The following GLCE variants were observed in gnomAD, a reference collection of about 807,000 sequenced individuals.
GLCE encodes the protein glucuronic acid epimerase, also known as D-glucuronyl C5-epimerase.
GLCE carries 19 observed loss-of-function variants against 47.9 expected under a neutral mutation model. That is an observed-to-expected ratio of 0.40 (90% CI 0.28 to 0.58). The LOEUF is 0.58. Ranked by LOEUF, GLCE falls within the 20% of genes least tolerant of loss-of-function variation. The probability of loss-of-function intolerance (pLI) is 0.48; values close to 1 mark genes in which losing one functional copy is unlikely to be tolerated. For missense variants in GLCE, 556 were observed against 743.3 expected, an observed-to-expected ratio of 0.75 and a Z score of 2.93; for synonymous variants, 245 against 263.4, an observed-to-expected ratio of 0.93 and a Z score of 0.68.
At chr15:69,193,556 CTCAGATTTTGT>C (rs1566952183) in intron 1 of GLCE, among the ~76,000 whole-genome samples, 5 of 151,880 alleles carry the variant, frequency 3.3e-5, no homozygotes, top group Admixed American at 2.0e-4. Flanking sequence ...TCAGATTTTG[CTCAGATTTTGT>C]TTCAAATTTT....
chr15:69,255,757 C>A, intron 2 of GLCE, 37 bp from the exon 3 acceptor site: 2 of 1,194,358 alleles, frequency 1.7e-6, no homozygotes, highest in Non-Finnish European at 2.4e-6. Context: ...GCCGGTAGTA[C>A]ATCTTTGCAT....
intron 3 of GLCE, chr15:69,260,854 G>A (rs1355826756): frequency 6.4e-6 from 3 of 468,704 alleles, no homozygotes; most frequent in Non-Finnish European, 1.1e-5. Flanking sequence ...TTATAGCGTT[G>A]CACTATTTGT....
chr15:69,180,318 G>C (rs992137068), intron 1 of GLCE, among the ~76,000 whole-genome samples: 1 of 152,068 alleles, frequency 6.6e-6, no homozygotes, highest in Non-Finnish European at 1.5e-5. Flanking sequence ...TCTAGGCTCT[G>C]TAAGTACCTC....
intron 2 of GLCE, among the ~76,000 whole-genome samples, chr15:69,251,251 G>A (rs949675196): frequency 6.6e-6 from 1 of 152,142 alleles, no homozygotes; most frequent in African/African-American, 2.4e-5. Context: ...TGGAATGTAT[G>A]GTAAGTGATA....
At chr15:69,242,819 G>A (rs905777701) in intron 2 of GLCE, among the ~76,000 whole-genome samples, 2 of 151,776 alleles carry the variant, frequency 1.3e-5, no homozygotes, top group Non-Finnish European at 2.9e-5. Context: ...CCGAGGCAGG[G>A]GGTGTTGCTT....
intron 1 of GLCE, among the ~76,000 whole-genome samples, chr15:69,191,137 T>G (rs567276122): frequency 6.6e-6 from 1 of 152,328 alleles, no homozygotes; most frequent in African/African-American, 2.4e-5. Context: ...CCCACATATT[T>G]ACTCCACTGT....
chr15:69,242,661 C>T (rs1416899126), intron 2 of GLCE, among the ~76,000 whole-genome samples: 1 of 152,042 alleles, frequency 6.6e-6, no homozygotes, highest in Non-Finnish European at 1.5e-5. Context: ...AGTGGTTGGT[C>T]TGGAACCAGT....
chr15:69,231,257 C>G (rs1402454263), intron 2 of GLCE, among the ~76,000 whole-genome samples: 2 of 150,958 alleles, frequency 1.3e-5, no homozygotes, highest in Non-Finnish European at 2.9e-5. Flanking sequence ...GAGATTTTGC[C>G]TTTGCTACCT....
chr15:69,244,236 T>C (rs2052716659), intron 2 of GLCE, among the ~76,000 whole-genome samples: 1 of 152,234 alleles, frequency 6.6e-6, no homozygotes, highest in African/African-American at 2.4e-5. Context: ...GTAGCTTTCT[T>C]AGAATAAAAT....
At chr15:69,229,482 A>C (rs1362264646) in intron 2 of GLCE, among the ~76,000 whole-genome samples, 3 of 152,190 alleles carry the variant, frequency 2.0e-5, no homozygotes. Flanking sequence ...TACAAAAATA[A>C]ATGAAGAGCC....
Position 69,269,162 on chromosome 15 carries a change from C to G in GLCE, c.1772C>G (p.Thr591Ser), listed in dbSNP as rs1218245157. 1 of 1,612,772 alleles carries G rather than the reference C, an allele frequency of 6.2e-7. No homozygotes were observed. The highest frequency in any genetic ancestry group is 1.3e-5 in the African/African-American group (1 of 74,872). Residue 591 changes from threonine to serine, a missense_variant, in exon 5 of 5, where the codon ACC becomes AGC. By Grantham distance (58) the Thr-to-Ser change is moderately conservative. Coordinates refer to ENST00000261858, the MANE Select transcript of GLCE (RefSeq NM_015554.3). ...THINQLQLLS[T>S]IDESPVFKEF... ...ATCAATCAGTTGCAGCTACTCAGTA[C>G]CATTGATGAGTCCCCAGTCTTCAAA...
intron 1 of GLCE, among the ~76,000 whole-genome samples, chr15:69,172,971 G>T (rs758602927): frequency 6.6e-6 from 1 of 151,814 alleles, no homozygotes; most frequent in Non-Finnish European, 1.5e-5. Context: ...TTTTTCAGAA[G>T]TCTGCACAAA....
At chr15:69,221,395 T>C (rs1010096430) in intron 2 of GLCE, among the ~76,000 whole-genome samples, 1 of 152,202 alleles carries the variant, frequency 6.6e-6, no homozygotes, top group Non-Finnish European at 1.5e-5. Context: ...TATGTTTCTA[T>C]TTATGTCTTC....
chr15:69,180,813 AT>A (rs2051739078), intron 1 of GLCE, among the ~76,000 whole-genome samples: 1 of 152,232 alleles, frequency 6.6e-6, no homozygotes, highest in Non-Finnish European at 1.5e-5. Flanking sequence ...GATACGTGGT[AT>A]AGAAAGACAT....
chr15:69,237,078 G>C (rs1300422128), intron 2 of GLCE, among the ~76,000 whole-genome samples: 2 of 152,092 alleles, frequency 1.3e-5, no homozygotes, highest in East Asian at 1.9e-4. Context: ...TCTGAAGGCT[G>C]TATATTAAAT....
intron 1 of GLCE, among the ~76,000 whole-genome samples, chr15:69,199,563 T>C (rs1018802761): frequency 1.3e-5 from 2 of 152,204 alleles, no homozygotes; most frequent in African/African-American, 4.8e-5. Context: ...CTAAGGAATC[T>C]CATCCTCTTA....
At position 69,210,359 on chromosome 15, in the gene GLCE, A is replaced by T. The variant is rs1225549257; in HGVS notation, c.-61A>T. ...AAGTTTTGATTCAGATATATTTTGA[A>T]TTGAAACCAGAGATGTTCTAGAGTT... On this transcript the variant is annotated 5_prime_UTR_variant, in exon 2 of 5. Coordinates refer to ENST00000261858, the MANE Select transcript of GLCE (RefSeq NM_015554.3). 1 of 152,134 alleles carries T rather than the reference A, an allele frequency of 6.6e-6. No individual in the cohort carries two copies. Among genetic ancestry groups the T allele is most frequent in the Non-Finnish European group, 1.5e-5 (1 of 68,004 alleles). 9.4% of individuals were successfully genotyped at this position (152,134 alleles called of 1,614,324 possible).
chr15:69,230,761 T>C (rs1022005517), intron 2 of GLCE, among the ~76,000 whole-genome samples: 2 of 152,252 alleles, frequency 1.3e-5, no homozygotes, highest in Non-Finnish European at 2.9e-5. Context: ...GTTGTTATTA[T>C]AGCAAATTAC....
Position 69,269,181 on chromosome 15 carries a change from C to A in GLCE, c.1791C>A (p.Val597=). ...QLLSTIDESP[V]FKEFVKRWKS... ...TCAGTACCATTGATGAGTCCCCAGTCTTCAAAGAATTTGTCAAGAGGTGGA... is the reference window on the plus strand; with the variant it reads ...TCAGTACCATTGATGAGTCCCCAGTATTCAAAGAATTTGTCAAGAGGTGGA... Residue 597 remains valine (V), a synonymous_variant, in exon 5 of 5, where the codon GTC becomes GTA. Transcript: ENST00000261858. The A allele has an allele frequency of 6.2e-7, 1 of 1,614,022 alleles. No homozygotes were observed. Among genetic ancestry groups the A allele is most frequent in the South Asian group, 1.1e-5 (1 of 91,078 alleles).
Sources: allele counts gnomAD v4.1 joint callset (sites outside exome capture counted in the v4.1 genomes callset), GRCh38; gene constraint gnomAD v4.1.1; transcripts MANE v1.5; gene names NCBI Gene and HGNC (gene_info 2026-07-23, HGNC 2026-07-21).